NRXN3: variants seen among roughly 807,000 people sequenced by gnomAD.
The protein encoded by NRXN3 is neurexin 3.
NRXN3 carries 32 observed loss-of-function variants against 137.6 expected under a neutral mutation model. The observed-to-expected ratio is 0.23, with a 90% CI of 0.18 to 0.31. The LOEUF is 0.31. Ranked by LOEUF, NRXN3 falls within the 10% of genes least tolerant of loss-of-function variation. The pLI is 1.00. For missense variants in NRXN3, 1,574 were observed against 2,062.5 expected, an observed-to-expected ratio of 0.76 and a Z score of 4.59; for synonymous variants, 798 against 784.5, an observed-to-expected ratio of 1.02 and a Z score of -0.29.
intron 4 of NRXN3, among the ~76,000 whole-genome samples, chr14:78,538,954 G>C (rs1043983618): frequency 6.6e-6 from 1 of 152,188 alleles, no homozygotes; most frequent in African/African-American, 2.4e-5. Context: ...TTGCATCCCA[G>C]GGATGAAGCT....
intron 4 of NRXN3, among the ~76,000 whole-genome samples, chr14:78,476,856 T>C (rs1331338512): frequency 6.6e-6 from 1 of 152,236 alleles, no homozygotes; most frequent in Non-Finnish European, 1.5e-5. Context: ...TTAATATTTG[T>C]CTGCAGATCC....
At chr14:79,252,685 A>G (rs2076094503) in intron 15 of NRXN3, among the ~76,000 whole-genome samples, 1 of 152,198 alleles carries the variant, frequency 6.6e-6, no homozygotes, top group Non-Finnish European at 1.5e-5. Context: ...GTTAAGTATT[A>G]CATTGAAAGC....
chr14:78,289,438 C>G (rs1342756095), intron 3 of NRXN3, among the ~76,000 whole-genome samples: 1 of 152,122 alleles, frequency 6.6e-6, no homozygotes, highest in African/African-American at 2.4e-5. Flanking sequence ...TGGAGATCAT[C>G]AGAATTCATA....
intron 15 of NRXN3, among the ~76,000 whole-genome samples, chr14:79,260,701 C>T (rs956036976): frequency 6.6e-5 from 10 of 152,170 alleles, no homozygotes; most frequent in East Asian, 1.9e-4. Flanking sequence ...CCTCAGTTTC[C>T]GAAAGGGTTG....
intron 16 of NRXN3, among the ~76,000 whole-genome samples, chr14:79,598,082 T>C (rs902085266): frequency 6.6e-6 from 1 of 152,180 alleles, no homozygotes; most frequent in Non-Finnish European, 1.5e-5. Context: ...TGGAAGATAA[T>C]TTTTAAATCA....
chr14:79,727,088 T>C (rs897634608), intron 19 of NRXN3, among the ~76,000 whole-genome samples: 2 of 152,334 alleles, frequency 1.3e-5, no homozygotes, highest in East Asian at 1.9e-4. Context: ...TATTCAGCCA[T>C]ATAAACACAT....
At chr14:79,671,563 AAG>A (rs760940192) in intron 17 of NRXN3, among the ~76,000 whole-genome samples, 2 of 152,102 alleles carry the variant, frequency 1.3e-5, no homozygotes, top group African/African-American at 2.4e-5. Flanking sequence ...TGCAAAAAGA[AAG>A]AACTTTTAAA....
At chr14:78,960,704 G>A (rs1433333389) in intron 11 of NRXN3, among the ~76,000 whole-genome samples, 1 of 152,160 alleles carries the variant, frequency 6.6e-6, no homozygotes, top group Non-Finnish European at 1.5e-5. Context: ...TGCCTCCTCT[G>A]CCTAGAACTT....
At chr14:79,309,101 T>G (rs1222676570) in intron 15 of NRXN3, among the ~76,000 whole-genome samples, 1 of 69,206 alleles carries the variant, frequency 1.4e-5, no homozygotes, top group Non-Finnish European at 2.7e-5. Flanking sequence ...CCCACCACAG[T>G]CCCCAGAGTG....
intron 15 of NRXN3, among the ~76,000 whole-genome samples, chr14:79,105,630 C>G (rs1193474911): frequency 6.6e-6 from 1 of 152,132 alleles, no homozygotes; most frequent in Non-Finnish European, 1.5e-5. Context: ...TACCCCATTT[C>G]AGGCAGAGCT....
At chr14:79,027,586 A>G (rs2099600693) in intron 15 of NRXN3, among the ~76,000 whole-genome samples, 1 of 152,106 alleles carries the variant, frequency 6.6e-6, no homozygotes, top group Non-Finnish European at 1.5e-5. Context: ...AAATATGACC[A>G]TAACATTTAC....
Position 79,194,328 on chromosome 14 carries a change from T to C in NRXN3, c.3262+206187T>C, listed in dbSNP as rs368159532. Among the ~76,000 whole-genome samples the C allele has an allele frequency of 5.0e-4, 76 of 152,312 alleles. 1 individual carries two copies. Among genetic ancestry groups the C allele is most frequent in the African/African-American group, 1.8e-3 (74 of 41,580 alleles). On this transcript the variant is annotated intron_variant, in intron 15 of 20. Coordinates refer to ENST00000335750, the MANE Select transcript of NRXN3 (RefSeq NM_001330195.2). ...TCCTCCCTCTGTTCCCAGAAAGAACTAAGAACGGTCTAGCTTTGAGCTAAA... is the reference window on the plus strand; with the variant it reads ...TCCTCCCTCTGTTCCCAGAAAGAACCAAGAACGGTCTAGCTTTGAGCTAAA...
chr14:79,079,328 A>G (rs977125667), intron 15 of NRXN3, among the ~76,000 whole-genome samples: 4 of 152,210 alleles, frequency 2.6e-5, no homozygotes, highest in African/African-American at 9.7e-5. Flanking sequence ...TACTTTAAGC[A>G]TGTCCTTTTC....
At chr14:79,834,721 A>C (rs1328339982) in intron 20 of NRXN3, among the ~76,000 whole-genome samples, 1 of 152,150 alleles carries the variant, frequency 6.6e-6, no homozygotes, top group African/African-American at 2.4e-5. Flanking sequence ...ATTCATTCCC[A>C]ATCATACTTT....
intron 10 of NRXN3, among the ~76,000 whole-genome samples, chr14:78,834,863 C>T (rs1269830762): frequency 6.6e-6 from 1 of 152,128 alleles, no homozygotes; most frequent in African/African-American, 2.4e-5. Context: ...AACCGACATA[C>T]AGCCTACAGT....
chr14:79,848,103 A>T (rs1435741791), intron 20 of NRXN3, among the ~76,000 whole-genome samples: 1 of 152,176 alleles, frequency 6.6e-6, no homozygotes, highest in African/African-American at 2.4e-5. Context: ...ATCTTTCAAT[A>T]CTTGAAGCTC....
chr14:78,436,716 G>A (rs748901312), intron 4 of NRXN3, among the ~76,000 whole-genome samples: 4 of 152,108 alleles, frequency 2.6e-5, no homozygotes, highest in Non-Finnish European at 5.9e-5. Flanking sequence ...GGACAGTATT[G>A]GACAACACAG....
chr14:79,279,761 C>G, intron 15 of NRXN3: 1 of 988,300 alleles, frequency 1.0e-6, no homozygotes, highest in African/African-American at 1.7e-5. Flanking sequence ...CTGCAGCCCC[C>G]TTTTGCCTGG....
At chr14:79,496,537 T>A (rs539347308) in intron 16 of NRXN3, among the ~76,000 whole-genome samples, 2 of 152,312 alleles carry the variant, frequency 1.3e-5, no homozygotes, top group South Asian at 4.1e-4. Context: ...ACATCAGTGA[T>A]CATTGTAAGA....
Sources: gnomAD v4.1 joint callset for allele counts (sites outside exome capture counted in the v4.1 genomes callset) on GRCh38, gnomAD v4.1.1 for gene constraint, MANE v1.5 for transcripts, NCBI Gene and HGNC (gene_info 2026-07-23, HGNC 2026-07-21) for gene names.